HTT: variants seen among roughly 807,000 people sequenced by gnomAD.
HTT encodes huntington disease protein.
In HTT, 104 loss-of-function variants were observed where a neutral mutation model predicts 362.3. The ratio of observed to expected loss-of-function variants is 0.29; its 90% CI spans 0.24 to 0.34. The LOEUF (loss-of-function observed/expected upper bound fraction) is 0.34, where lower values mean the gene tolerates loss of function less well. Ranked by LOEUF, HTT falls within the 10% of genes least tolerant of loss-of-function variation. The pLI is 1.00. For missense variants in HTT, 3,301 were observed against 3,928.6 expected (o/e 0.84, Z 4.27); for synonymous variants, 1,577 against 1,548.7 (o/e 1.02, Z -0.43).
At chr4:3,077,565 G>A (rs1217624037) in intron 1 of HTT, among the ~76,000 whole-genome samples, 1 of 151,908 alleles carries the variant, frequency 6.6e-6, no homozygotes, top group East Asian at 1.9e-4. Context: ...GATTACAGGC[G>A]CCCACCACCA....
chr4:3,186,661 C>T lies in HTT; in HGVS notation c.4931C>T (p.Ser1644Phe). ...LNTLFEILAPSSLRPVDMLLR... is the reference protein window; with the variant it reads ...LNTLFEILAPFSLRPVDMLLR... ...ACATTATTTGAGATTTTGGCCCCTT[C>T]CTCCCTCCGTCCGGTAGACATGCTT... The change falls in exon 38 of 67, where the codon TCC (serine) becomes TTC (phenylalanine). Residue 1644 changes from serine to phenylalanine, a missense_variant. Ser to Phe is a radical substitution (Grantham distance 155, BLOSUM62 -2). Coordinates refer to ENST00000355072, the MANE Select transcript of HTT (RefSeq NM_001388492.1). 2 of 1,612,994 alleles carry T rather than the reference C, an allele frequency of 1.2e-6. No homozygotes were observed. The highest frequency in any genetic ancestry group is 1.3e-5 in the African/African-American group (1 of 74,978).
intron 2 of HTT, among the ~76,000 whole-genome samples, chr4:3,098,654 C>T (rs1476414130): frequency 6.6e-6 from 1 of 152,166 alleles, no homozygotes; most frequent in Admixed American, 6.5e-5. Flanking sequence ...AAATAGTAAA[C>T]AAACTCCAGT....
intron 36 of HTT, among the ~76,000 whole-genome samples, chr4:3,181,389 C>T (rs1718518927): frequency 6.6e-6 from 1 of 152,188 alleles, no homozygotes; most frequent in East Asian, 1.9e-4. Flanking sequence ...TTATTTACCA[C>T]TATTTTGACA....
intron 64 of HTT, among the ~76,000 whole-genome samples, chr4:3,237,215 A>C (rs1721579457): frequency 6.6e-6 from 1 of 152,030 alleles, no homozygotes. Context: ...CTGGGATTAC[A>C]GGCACACACC....
In HTT at chr4:3,218,587, C is replaced by T. The variant is rs566599363; in HGVS notation, c.7242+635C>T. 5.1e-4 allele frequency among the ~76,000 whole-genome samples: 77 copies of T among 151,872 alleles called. No individual in the cohort carries two copies. The highest frequency in any genetic ancestry group is 1.7e-3 in the African/African-American group (72 of 41,420). ...GGCGAAGGTTGCAGTAAGCCGAGAT[C>T]GCGCCACTGCACTCTAGCCTGGGCA... On this transcript the variant is annotated intron_variant, in intron 52 of 66. Coordinates refer to ENST00000355072, the MANE Select transcript of HTT (RefSeq NM_001388492.1). This position sits in a 1 kb window ranked among gnomAD's most constrained non-coding sequence, Gnocchi z 4.4.
At chr4:3,095,345 C>T (rs559038510) in intron 2 of HTT, among the ~76,000 whole-genome samples, 3 of 152,330 alleles carry the variant, frequency 2.0e-5, no homozygotes, top group South Asian at 2.1e-4. Context: ...GCCAACACGG[C>T]GAAACCCCGT....
chr4:3,088,469 C>T (rs539101720), intron 2 of HTT, among the ~76,000 whole-genome samples: 2 of 152,218 alleles, frequency 1.3e-5, no homozygotes, highest in South Asian at 2.1e-4. Flanking sequence ...CCACCGCGCC[C>T]GGCCCTCTCT....
At chr4:3,140,413 A>G (rs1319417204) in intron 21 of HTT, 97 bp from the exon 22 acceptor site, 1 of 1,002,134 alleles carries the variant, frequency 1.0e-6, no homozygotes, top group Non-Finnish European at 1.5e-6. Flanking sequence ...GCTGGTAACC[A>G]GAGGTGTTGG....
intron 7 of HTT, 39 bp from the exon 8 acceptor site, chr4:3,116,046 T>G: frequency 1.3e-6 from 2 of 1,557,404 alleles, no homozygotes; most frequent in Non-Finnish European, 1.8e-6. Flanking sequence ...CTCCAAACAG[T>G]GAGTCAGATG....
intron 1 of HTT, among the ~76,000 whole-genome samples, chr4:3,078,751 C>T (rs1445354979): frequency 6.7e-6 from 1 of 149,922 alleles, no homozygotes; most frequent in African/African-American, 2.5e-5. Flanking sequence ...TTTTTTTCCC[C>T]CGAGACGGAG....
intron 3 of HTT, among the ~76,000 whole-genome samples, chr4:3,101,121 C>T (rs1488056784): frequency 2.0e-5 from 3 of 152,136 alleles, no homozygotes; most frequent in Non-Finnish European, 4.4e-5. Context: ...GCAAATGGGA[C>T]GTTAAGAGGG....
chr4:3,107,658 T>C (rs1205788204), intron 6 of HTT, among the ~76,000 whole-genome samples: 1 of 152,156 alleles, frequency 6.6e-6, no homozygotes, highest in Non-Finnish European at 1.5e-5. Context: ...TAGATGCAAA[T>C]TGAAAAGGCA....
At chr4:3,086,477 G>A (rs571724740) in intron 1 of HTT, among the ~76,000 whole-genome samples, 1 of 152,226 alleles carries the variant, frequency 6.6e-6, no homozygotes, top group East Asian at 1.9e-4. Flanking sequence ...TTGAGCAATT[G>A]GGCAACATCG....
At chr4:3,199,983 C>A (rs1404413030) in intron 41 of HTT, 44 bp downstream of exon 41, 3 of 1,535,612 alleles carry the variant, frequency 2.0e-6, no homozygotes, top group East Asian at 4.7e-5. Flanking sequence ...AGCCCAGCAC[C>A]CTGTCCTGAG....
intron 9 of HTT, 69 bp downstream of exon 9, chr4:3,121,501 T>G: frequency 9.4e-7 from 1 of 1,063,530 alleles, no homozygotes; most frequent in Non-Finnish European, 1.4e-6. Flanking sequence ...CTATTGATTA[T>G]GGGCCTGCCC....
chr4:3,142,109 G>A (rs1184053365), intron 22 of HTT, among the ~76,000 whole-genome samples: 1 of 152,176 alleles, frequency 6.6e-6, no homozygotes, highest in Non-Finnish European at 1.5e-5. Context: ...ATTCAGCTGT[G>A]GTCAATTGGG....
At chr4:3,151,706 C>T (rs1716901469) in intron 26 of HTT, among the ~76,000 whole-genome samples, 1 of 152,170 alleles carries the variant, frequency 6.6e-6, no homozygotes, top group African/African-American at 2.4e-5. Context: ...AAACCATCCC[C>T]CGCCAACCCT....
chr4:3,127,242 A>C (rs1413381373), intron 11 of HTT, 22 bp from the exon 12 acceptor site: 1 of 1,569,408 alleles, frequency 6.4e-7, no homozygotes. Flanking sequence ...CATTTGACAA[A>C]TGAGTGTTTC....
chr4:3,155,131 T>G (rs1464114665), intron 27 of HTT, among the ~76,000 whole-genome samples: 3 of 152,144 alleles, frequency 2.0e-5, no homozygotes, highest in Non-Finnish European at 4.4e-5. Context: ...ATTCTCACGC[T>G]GTCTCTTGGC....
Sources: allele counts gnomAD v4.1 joint callset (sites outside exome capture counted in the v4.1 genomes callset), GRCh38; gene constraint gnomAD v4.1.1; non-coding constraint Gnocchi (gnomAD v3.1); transcripts MANE v1.5; gene names NCBI Gene and HGNC (gene_info 2026-07-23, HGNC 2026-07-21).